Variants in TXNRD2 observed in about 807,000 individuals in gnomAD.
The protein encoded by TXNRD2 is thioredoxin reductase 2, also known as thioredoxin reductase 2, mitochondrial.
A neutral mutation model predicts 70.8 loss-of-function variants in TXNRD2; 67 were observed. That is an observed-to-expected ratio of 0.95 (90% CI 0.78 to 1.16). The LOEUF is 1.16. Among genes scored for constraint, TXNRD2 ranks in the 50% most tolerant of loss-of-function variants. The pLI is 0.00. For missense variants in TXNRD2, 644 were observed against 719.9 expected (o/e 0.89, Z 1.21); for synonymous variants, 301 against 295.8 (o/e 1.02, Z -0.18).
At chr22:19,889,245 G>A (rs1939161900) in intron 11 of TXNRD2, among the ~76,000 whole-genome samples, 1 of 152,186 alleles carries the variant, frequency 6.6e-6, no homozygotes, top group South Asian at 2.1e-4. Flanking sequence ...GGAGTACGGC[G>A]CAGCCCCCAG....
chr22:19,897,989 G>A, intron 10 of TXNRD2, 50 bp downstream of exon 10: 1 of 1,478,308 alleles, frequency 6.8e-7, no homozygotes, highest in Non-Finnish European at 9.2e-7. Flanking sequence ...GGGGCTGTGG[G>A]AGGAAGGCCT....
At chr22:19,934,820 T>A (rs5748481) in intron 1 of TXNRD2, among the ~76,000 whole-genome samples, 33,840 of 152,096 alleles carry the variant, frequency 0.22, 4,173 homozygotes, top group Middle Eastern at 0.33. Flanking sequence ...CCTCGGCCTC[T>A]CAAAGTGCTA....
At chr22:19,936,208 C>T (rs75033730) in intron 1 of TXNRD2, among the ~76,000 whole-genome samples, 1 of 151,708 alleles carries the variant, frequency 6.6e-6, no homozygotes, top group Non-Finnish European at 1.5e-5. Flanking sequence ...ATACCAATCC[C>T]GTGACACCCT....
At chr22:19,923,001 A>C (rs1940975793) in intron 2 of TXNRD2, among the ~76,000 whole-genome samples, 1 of 152,062 alleles carries the variant, frequency 6.6e-6, no homozygotes, top group South Asian at 2.1e-4. Context: ...AGGATATTAT[A>C]TGCAATTTGT....
intron 8 of TXNRD2, among the ~76,000 whole-genome samples, chr22:19,905,806 C>A (rs1241577361): frequency 6.6e-6 from 1 of 151,778 alleles, no homozygotes. Context: ...GAGATGGGCA[C>A]TGGGGCCCGG....
chr22:19,909,817 A>G (rs1418566786), intron 8 of TXNRD2, among the ~76,000 whole-genome samples: 1,319 of 86,028 alleles, frequency 0.015, 45 homozygotes, highest in South Asian at 0.036. Flanking sequence ...CCACTCACAC[A>G]CACACCACAC....
intron 8 of TXNRD2, among the ~76,000 whole-genome samples, chr22:19,909,929 A>C (rs1940321130): frequency 9.6e-6 from 1 of 104,298 alleles, no homozygotes; most frequent in South Asian, 3.3e-4. Context: ...TCACACACAC[A>C]CACCACTCAC....
chr22:19,925,444 T>A (rs1284731592), intron 2 of TXNRD2, among the ~76,000 whole-genome samples: 1 of 151,880 alleles, frequency 6.6e-6, no homozygotes, highest in Admixed American at 6.6e-5. Context: ...GATGGAAATG[T>A]GGATCCTCAC....
intron 1 of TXNRD2, among the ~76,000 whole-genome samples, chr22:19,940,477 C>T (rs9332314): frequency 0.016 from 2,437 of 152,174 alleles, 28 homozygotes; most frequent in Admixed American, 0.022. Context: ...CCCCCTAAGT[C>T]TCGTATGATA....
chr22:19,888,219 G>A (rs186282789), intron 11 of TXNRD2, among the ~76,000 whole-genome samples: 36 of 152,288 alleles, frequency 2.4e-4, no homozygotes, highest in African/African-American at 3.9e-4. Context: ...AGGAACAGCC[G>A]TGCAGGGCAG....
At chr22:19,934,711 C>T (rs985117644) in intron 1 of TXNRD2, among the ~76,000 whole-genome samples, 6 of 151,906 alleles carry the variant, frequency 3.9e-5, no homozygotes, top group South Asian at 4.2e-4. Flanking sequence ...TACAGGCACC[C>T]GCCACCACAC....
chr22:19,931,453 G>A (rs1337035074), intron 1 of TXNRD2, among the ~76,000 whole-genome samples: 1 of 152,070 alleles, frequency 6.6e-6, no homozygotes, highest in African/African-American at 2.4e-5. Context: ...TCACCCAGAA[G>A]ATTGTAGTCC....
At position 19,939,682 on chromosome 22, in the gene TXNRD2, T is replaced by A. The variant is rs919703501; in HGVS notation, c.103+2019A>T. On this transcript the variant is annotated intron_variant, in intron 1 of 17. Coordinates refer to ENST00000400521, the MANE Select transcript of TXNRD2 (RefSeq NM_006440.5). The stretch of plus-strand genomic sequence containing the variant: ...TTACTATGGGTTATAAATACCCTCC[T>A]CTGTGCCTTGGACATGCACCTGGTT... 8.3e-4 allele frequency among the ~76,000 whole-genome samples: 127 copies of A among 152,186 alleles called. 1 individual carries two copies. Among genetic ancestry groups the A allele is most frequent in the African/African-American group, 2.9e-3 (119 of 41,440 alleles).
At chr22:19,878,239 C>T in intron 15 of TXNRD2, 52 bp from the exon 16 acceptor site, 1 of 1,596,492 alleles carries the variant, frequency 6.3e-7, no homozygotes, top group East Asian at 2.2e-5. Context: ...GGGTTGCGTC[C>T]ACCCTGCATC....
At chr22:19,914,512 G>T (rs537963091) in intron 7 of TXNRD2, among the ~76,000 whole-genome samples, 1 of 151,852 alleles carries the variant, frequency 6.6e-6, no homozygotes, top group African/African-American at 2.4e-5. Context: ...ACACACATAC[G>T]AGTCACTAAG....
At chr22:19,915,014 C>G in intron 7 of TXNRD2, 200 bp downstream of exon 7, 1 of 592,546 alleles carries the variant, frequency 1.7e-6, no homozygotes, top group East Asian at 3.1e-5. Context: ...GAGGATCTGG[C>G]AGCGTGGAGG....
chr22:19,877,894 G>A (rs965907015), intron 16 of TXNRD2, among the ~76,000 whole-genome samples, 196 bp downstream of exon 16: 4 of 152,164 alleles, frequency 2.6e-5, no homozygotes, highest in Non-Finnish European at 5.9e-5. Context: ...GCTCAACAGC[G>A]TCTGGCTGGG....
intron 2 of TXNRD2, among the ~76,000 whole-genome samples, chr22:19,919,861 A>G (rs1383444831): frequency 9.1e-6 from 1 of 109,306 alleles, no homozygotes; most frequent in Non-Finnish European, 1.9e-5. Context: ...CGCTGCCCAC[A>G]GGCAGGAGCC....
intron 7 of TXNRD2, chr22:19,914,976 AG>A: frequency 1.9e-6 from 1 of 528,806 alleles, no homozygotes; most frequent in Non-Finnish European, 3.5e-6. Context: ...CCAGCGGGGC[AG>A]GGGGAGAGCA....
Sources: gnomAD v4.1 joint callset for allele counts (sites outside exome capture counted in the v4.1 genomes callset) on GRCh38, gnomAD v4.1.1 for gene constraint, MANE v1.5 for transcripts, NCBI Gene and HGNC (gene_info 2026-07-23, HGNC 2026-07-21) for gene names.